KBTBD2: variants seen among roughly 807,000 people sequenced by gnomAD.
The protein encoded by KBTBD2 is kelch repeat and BTB domain containing 2, also known as kelch repeat and BTB domain-containing protein 2.
In KBTBD2, 17 loss-of-function variants were observed where a neutral mutation model predicts 57.1. The observed-to-expected ratio is 0.30, with a 90% CI of 0.20 to 0.45. KBTBD2 has a LOEUF of 0.45. Among genes scored for constraint, KBTBD2 ranks in the 20% least tolerant of loss-of-function variants. The pLI is 1.00. For synonymous variants in KBTBD2, 267 were observed against 262.7 expected, an observed-to-expected ratio of 1.02 and a Z score of -0.16; for missense variants, 515 against 750.6, an observed-to-expected ratio of 0.69 and a Z score of 3.67.
rs147559547 is a variant in KBTBD2, at chr7:32,874,671, C to G, written c.336+321G>C. ...AACCACATAATAAACCAATAAGCTA[C>G]AACTCATGTATGTAACTGAGTAAAA... On this transcript the variant is annotated intron_variant, in intron 3 of 3. Coordinates refer to ENST00000304056, the MANE Select transcript of KBTBD2 (RefSeq NM_015483.3). The G allele has an allele frequency of 3.9e-4, 68 of 174,162 alleles. No individual in the cohort carries two copies. In the East Asian group the frequency reaches 9.6e-3, roughly 25 times the overall value. 10.8% of individuals were successfully genotyped at this position (174,162 alleles called of 1,614,324 possible).
intron 1 of KBTBD2, among the ~76,000 whole-genome samples, chr7:32,887,723 T>C (rs112734934): frequency 1.4e-4 from 21 of 152,352 alleles, no homozygotes; most frequent in African/African-American, 5.1e-4. Context: ...GCGTTCTCCA[T>C]GGAGGTCAAC....
At position 32,870,322 on chromosome 7, in the gene KBTBD2, A is replaced by C; in HGVS notation, c.895T>G (p.Cys299Gly). The C allele has an allele frequency of 1.2e-6, 2 of 1,614,052 alleles. No homozygotes were observed. The highest frequency in any genetic ancestry group is 1.1e-5 in the South Asian group (1 of 91,062). Residue 299 changes from cysteine to glycine, a missense_variant, in exon 4 of 4, where the codon TGT becomes GGT. Physicochemically the swap from Cys to Gly is radical, Grantham distance 159. Transcript: ENST00000304056. ...TTATGCAAATCAGCTGGTGGGCTACATAACTTGTAAACTTTTTCTGCTTGG... is the reference window on the plus strand; with the variant it reads ...TTATGCAAATCAGCTGGTGGGCTACCTAACTTGTAAACTTTTTCTGCTTGG... The part of the protein sequence containing the change: ...SPQAEKVYKL[C>G]SPPADLHKVG...
Position 32,870,878 on chromosome 7 carries a change from T to C in KBTBD2, c.339A>G (p.Val113=). 6.5e-7 allele frequency: 1 copy of C among 1,527,204 alleles called. No homozygotes were observed. The highest frequency in any genetic ancestry group is 8.8e-7 in the Non-Finnish European group (1 of 1,142,476). 94.6% of individuals were successfully genotyped at this position (1,527,204 alleles called of 1,614,324 possible). Residue 113 remains valine (V), a splice_region_variant and synonymous_variant, in exon 4 of 4, where the codon GTA becomes GTG. Transcript: ENST00000304056. The stretch of plus-strand genomic sequence containing the variant: ...CTCGACAACGTTGTAACACATCTTC[T>C]ACCTAGAATGAGAAGGAAAAAAAAA... ...QLYETACFLQ[V]EDVLQRCREY...
intron 1 of KBTBD2, among the ~76,000 whole-genome samples, chr7:32,885,027 T>C (rs201425944): frequency 3.0e-5 from 4 of 133,624 alleles, no homozygotes; most frequent in South Asian, 2.3e-4. Flanking sequence ...TACACACACA[T>C]ACACACACAC....
intron 1 of KBTBD2, among the ~76,000 whole-genome samples, chr7:32,885,166 G>A (rs527649852): frequency 1.3e-5 from 2 of 151,348 alleles, no homozygotes; most frequent in East Asian, 2.0e-4. Flanking sequence ...GTGAACCGCC[G>A]CACCTGGCCT....
chr7:32,877,934 C>G (rs970824928), intron 2 of KBTBD2, among the ~76,000 whole-genome samples: 3 of 151,476 alleles, frequency 2.0e-5, no homozygotes, highest in African/African-American at 7.3e-5. Flanking sequence ...CATGGTGAAA[C>G]CCCGTCTCTA....
chr7:32,870,112 C>A lies in KBTBD2; in HGVS notation c.1105G>T (p.Val369Phe). 1.2e-6 allele frequency: 2 copies of A among 1,614,132 alleles called. No homozygotes were observed. Among genetic ancestry groups the A allele is most frequent in the Non-Finnish European group, 8.5e-7 (1 of 1,180,012 alleles). Residue 369 changes from valine (V) to phenylalanine (F), a missense_variant, in exon 4 of 4, where the codon GTC (valine) becomes TTC (phenylalanine). By Grantham distance (50) the Val-to-Phe change is conservative. Transcript: ENST00000304056. The part of the protein sequence containing the change: ...TWFPKTPMLF[V>F]RIKPSLVCCE... ...CAAACCAAAGATGGCTTTATGCGGA[C>A]AAAAAGCATTGGGGTCTTTGGAAAC...
chr7:32,883,349 T>C (rs1784489860), intron 1 of KBTBD2, among the ~76,000 whole-genome samples: 1 of 152,196 alleles, frequency 6.6e-6, no homozygotes, highest in Non-Finnish European at 1.5e-5. Flanking sequence ...ATCACACCAC[T>C]GCATTCCAGC....
chr7:32,870,713 C>T lies in KBTBD2; in HGVS notation c.504G>A (p.Ala168=), dbSNP rs771795090. The change falls in exon 4 of 4, where the codon GCG becomes GCA. Residue 168 remains alanine, a synonymous_variant. Transcript: ENST00000304056. ...GTAGGTCATGTGACAGCTGCATGAACGCGTCCTGATGATACACAGCAGTGA... is the reference window on the plus strand; with the variant it reads ...GTAGGTCATGTGACAGCTGCATGAATGCGTCCTGATGATACACAGCAGTGA... ...HKFTAVYHQD[A]FMQLSHDLLI... is the part of the protein sequence containing the mutation. 1.2e-5 allele frequency: 20 copies of T among 1,614,014 alleles called. No homozygotes were observed. The highest frequency in any genetic ancestry group is 8.0e-5 in the African/African-American group (6 of 74,928).
At chr7:32,890,785 G>A (rs1784712538) in intron 1 of KBTBD2, among the ~76,000 whole-genome samples, 1 of 152,136 alleles carries the variant, frequency 6.6e-6, no homozygotes. Flanking sequence ...CCCGTGGGAT[G>A]GACGCTCCTC....
At chr7:32,875,284 T>C in intron 2 of KBTBD2, 127 bp from the exon 3 acceptor site, 1 of 848,184 alleles carries the variant, frequency 1.2e-6, no homozygotes, top group South Asian at 1.7e-5. Flanking sequence ...AACTTTTTCT[T>C]TTTTTGAGAC....
intron 1 of KBTBD2, among the ~76,000 whole-genome samples, chr7:32,884,980 A>G (rs895968145): frequency 2.4e-4 from 29 of 123,188 alleles, no homozygotes; most frequent in Non-Finnish European, 4.1e-4. Flanking sequence ...GTGTGTGTAT[A>G]TATATATATA....
intron 2 of KBTBD2, 102 bp from the exon 3 acceptor site, chr7:32,875,259 T>C (rs1784283960): frequency 9.2e-7 from 1 of 1,081,988 alleles, no homozygotes; most frequent in African/African-American, 1.6e-5. Flanking sequence ...ATTTAGGGTA[T>C]TTACTTATAA....
chr7:32,889,597 CA>C (rs36012890), intron 1 of KBTBD2, among the ~76,000 whole-genome samples: 1 of 151,262 alleles, frequency 6.6e-6, no homozygotes, highest in Admixed American at 6.6e-5. Flanking sequence ...GACTCTGTCT[CA>C]AAAAAAAATT....
chr7:32,871,709 C>A (rs1044587245), intron 3 of KBTBD2, among the ~76,000 whole-genome samples: 1 of 151,994 alleles, frequency 6.6e-6, no homozygotes, highest in Non-Finnish European at 1.5e-5. Flanking sequence ...TCAAATGAGC[C>A]CTGTAAGGAT....
chr7:32,883,766 C>T (rs767382098), intron 1 of KBTBD2, among the ~76,000 whole-genome samples: 11 of 152,194 alleles, frequency 7.2e-5, no homozygotes, highest in Non-Finnish European at 1.6e-4. Context: ...TTATTGAATA[C>T]TAAGTGCCAA....
Position 32,870,662 on chromosome 7 carries a change from A to G in KBTBD2, c.555T>C (p.Asn185=). ...DLLIDILSSD[N]LNVEKEETVR... is the part of the protein sequence containing the mutation. ...CGGTTTCTTCCTTTTCTACATTTAA[A>G]TTGTCACTACTGAGAATATCTATCA... The change falls in exon 4 of 4, where the codon AAT becomes AAC. Residue 185 remains asparagine, a synonymous_variant. Coordinates refer to ENST00000304056, the MANE Select transcript of KBTBD2 (RefSeq NM_015483.3). 4.3e-6 allele frequency: 7 copies of G among 1,614,074 alleles called. No homozygotes were observed. Among genetic ancestry groups the G allele is most frequent in the Non-Finnish European group, 5.9e-6 (7 of 1,180,004 alleles).
chr7:32,888,588 T>C (rs74776482), intron 1 of KBTBD2, among the ~76,000 whole-genome samples: 1 of 150,898 alleles, frequency 6.6e-6, no homozygotes, highest in African/African-American at 2.4e-5. Flanking sequence ...AACAAACACC[T>C]GGCCTTTTGA....
intron 1 of KBTBD2, among the ~76,000 whole-genome samples, chr7:32,886,909 A>G (rs569564545): frequency 1.3e-5 from 2 of 152,062 alleles, no homozygotes; most frequent in South Asian, 4.2e-4. Flanking sequence ...TTTTTAAAAA[A>G]TCCCAAATAC....
Sources: allele counts gnomAD v4.1 joint callset (sites outside exome capture counted in the v4.1 genomes callset), GRCh38; gene constraint gnomAD v4.1.1; transcripts MANE v1.5; gene names NCBI Gene and HGNC (gene_info 2026-07-23, HGNC 2026-07-21).